HSP90AB1: variants seen among roughly 807,000 people sequenced by gnomAD.
The protein encoded by HSP90AB1 is heat shock protein 90 alpha family class B member 1.
In HSP90AB1, 17 loss-of-function variants were observed where a neutral mutation model predicts 67.8. The ratio of observed to expected loss-of-function variants is 0.25; its 90% CI spans 0.17 to 0.38. The LOEUF is 0.38. HSP90AB1 is among the 10% of genes least tolerant of loss of function. The pLI, the probability that HSP90AB1 is intolerant of heterozygous loss-of-function variation, is 1.00. For missense variants in HSP90AB1, 690 were observed against 899.9 expected (o/e 0.77, Z 2.98); for synonymous variants, 390 against 312.9 (o/e 1.25, Z -2.60).
Position 44,250,344 on chromosome 6 carries a change from A to G in HSP90AB1, c.702A>G (p.Lys234=), listed in dbSNP as rs1318612196. The G allele has an allele frequency of 1.2e-6, 2 of 1,613,754 alleles. No individual in the cohort carries two copies. The highest frequency in any genetic ancestry group is 1.3e-5 in the African/African-American group (1 of 74,916). The part of the protein sequence containing the change: ...EISDDEAEEE[K]GEKEEEDKDD... The stretch of plus-strand genomic sequence containing the variant: ...GTGATGATGAGGCAGAGGAAGAGAA[A>G]GGTGAGAAAGAAGAGGAAGATAAAG... The change falls in exon 6 of 12, where the codon AAA becomes AAG. Residue 234 remains lysine, a synonymous_variant. Transcript: ENST00000371646.
At position 44,253,827 on chromosome 6, in the gene HSP90AB1, C is replaced by T. The variant is rs1063511; in HGVS notation, c.*229C>T. The stretch of plus-strand genomic sequence containing the variant: ...TGTGTATTGTGGTTTATTTTATTTT[C>T]TTCATTTTGTTCTGAAATTAAAGTA... On this transcript the variant is annotated 3_prime_UTR_variant, in exon 12 of 12. Coordinates refer to ENST00000371646, the MANE Select transcript of HSP90AB1 (RefSeq NM_007355.4). 1.9e-5 allele frequency: 14 copies of T among 753,662 alleles called. No homozygotes were observed. The highest frequency in any genetic ancestry group is 1.7e-4 in the Admixed American group (10 of 58,026). 46.7% of individuals were successfully genotyped at this position (753,662 alleles called of 1,614,324 possible).
intron 10 of HSP90AB1, among the ~76,000 whole-genome samples, chr6:44,252,798 AT>A (rs35658356): frequency 3.0e-3 from 433 of 144,182 alleles, no homozygotes; most frequent in Middle Eastern, 3.8e-3. Flanking sequence ...TGCCTGGCCG[AT>A]TTTTTTTTTT....
At position 44,253,397 on chromosome 6, in the gene HSP90AB1, TG is replaced by T. The variant is rs757671674; in HGVS notation, c.2065+21del. The T allele has an allele frequency of 2.5e-6, 4 of 1,606,930 alleles. No homozygotes were observed. Among genetic ancestry groups the T allele is most frequent in the South Asian group, 2.2e-5 (2 of 90,850 alleles). On this transcript the variant is annotated intron_variant, in intron 11 of 11. Coordinates refer to ENST00000371646, the MANE Select transcript of HSP90AB1 (RefSeq NM_007355.4). ...GGTCTAGGTAAGTAGCTTTGGTACT[TG>T]GTGTGGCAAGGAGTTTGTGCAACTC...
intron 6 of HSP90AB1, among the ~76,000 whole-genome samples, 185 bp downstream of exon 6, chr6:44,250,784 T>TC (rs1278952378): frequency 3.3e-5 from 5 of 152,332 alleles, no homozygotes; most frequent in African/African-American, 1.2e-4. Flanking sequence ...TGACCTCACT[T>TC]TCTCTTCTTA....
Position 44,252,113 on chromosome 6 carries a change from A to G in HSP90AB1, c.1577A>G (p.Lys526Arg). ...GACGAGTACTGTGTGCAGCAGCTCA[A>G]GGAATTTGATGGGAAGAGCCTGGTC... ...PIDEYCVQQL[K>R]EFDGKSLVSV... The change falls in exon 10 of 12, where the codon AAG (lysine) becomes AGG (arginine). Residue 526 changes from lysine to arginine, a missense_variant. This residue lies in a region of HSP90AB1 where 206 missense variants were observed against 221.4 expected (regional missense o/e 0.93). Transcript: ENST00000371646. 3 of 1,614,180 alleles carry G rather than the reference A, an allele frequency of 1.9e-6. No individual in the cohort carries two copies. The highest frequency in any genetic ancestry group is 2.5e-6 in the Non-Finnish European group (3 of 1,180,028).
intron 8 of HSP90AB1, 48 bp from the exon 9 acceptor site, chr6:44,251,689 A>C: frequency 6.3e-7 from 1 of 1,598,534 alleles, no homozygotes; most frequent in Non-Finnish European, 8.5e-7. Flanking sequence ...TTGAAAGTGA[A>C]GTTATTGTAG....
Position 44,251,770 on chromosome 6 carries a change from C to G in HSP90AB1, c.1348C>G (p.Arg450Gly). The G allele has an allele frequency of 6.2e-7, 1 of 1,613,612 alleles. No homozygotes were observed. The highest frequency in any genetic ancestry group is 1.1e-5 in the South Asian group (1 of 91,048). The change falls in exon 9 of 12, where the codon CGC becomes GGC. Residue 450 changes from arginine (R) to glycine (G), a missense_variant. By Grantham distance (125) the Arg-to-Gly change is moderately radical. Around this residue, in one of 7 missense-constraint regions of HSP90AB1, gnomAD observed 206 missense variants for 221.4 expected, o/e 0.93. Transcript: ENST00000371646. ...GIHEDSTNRR[R>G]LSELLRYHTS... ...CCACGAAGACTCCACTAACCGCCGC[C>G]GCCTGTCTGAGCTGCTGCGCTATCA... is the stretch of plus-strand genomic sequence containing the variant.
intron 9 of HSP90AB1, 45 bp downstream of exon 9, chr6:44,251,929 C>T (rs764470921): frequency 6.2e-7 from 1 of 1,613,192 alleles, no homozygotes; most frequent in African/African-American, 1.3e-5. Flanking sequence ...GTGGGGAGCA[C>T]AATTAGGGCT....
At chr6:44,253,428 C>A (rs768058451) in intron 11 of HSP90AB1, 50 bp downstream of exon 11, 1 of 1,603,502 alleles carries the variant, frequency 6.2e-7, no homozygotes, top group Admixed American at 1.7e-5. Context: ...CAACTCGTCT[C>A]CTCTATGGAT....
Position 44,251,610 on chromosome 6 carries a change from TA to T in HSP90AB1, c.1314+7del. 6.2e-7 allele frequency: 1 copy of T among 1,600,238 alleles called. No homozygotes were observed. Among genetic ancestry groups the T allele is most frequent in the Non-Finnish European group, 8.5e-7 (1 of 1,171,468 alleles). ...GAGGCATTCTCTAAAAATCTCAAGG[TA>T]AAAAGGCAAATAATGCTTATTCCCT... On this transcript the variant is annotated splice_donor_region_variant and intron_variant, in intron 8 of 11. Coordinates refer to ENST00000371646, the MANE Select transcript of HSP90AB1 (RefSeq NM_007355.4).
chr6:44,252,978 C>A (rs1037579686), intron 10 of HSP90AB1, 67 bp from the exon 11 acceptor site: 2 of 1,346,144 alleles, frequency 1.5e-6, no homozygotes, highest in African/African-American at 2.9e-5. Flanking sequence ...TGGAATTAGG[C>A]TTGACAATGC....
chr6:44,248,957 A>G (rs1780314530), intron 2 of HSP90AB1, among the ~76,000 whole-genome samples, 181 bp downstream of exon 2: 2 of 152,196 alleles, frequency 1.3e-5, no homozygotes, highest in South Asian at 2.1e-4. Context: ...GTCCAGAATA[A>G]GTGGGCTCAT....
At position 44,249,833 on chromosome 6, in the gene HSP90AB1, T is replaced by C. The variant is rs774316367; in HGVS notation, c.513T>C (p.His171=). 1 of 1,604,194 alleles carries C rather than the reference T, an allele frequency of 6.2e-7. No individual in the cohort carries two copies. Among genetic ancestry groups the C allele is most frequent in the Non-Finnish European group, 8.5e-7 (1 of 1,174,584 alleles). ...GTTCCTTCACTGTGCGTGCTGACCATGGTAAGTTAGCTTTTCTGTTACAAG... is the reference window on the plus strand; with the variant it reads ...GTTCCTTCACTGTGCGTGCTGACCACGGTAAGTTAGCTTTTCTGTTACAAG... ...AGGSFTVRAD[H]GEPIGRGTKV... Residue 171 remains histidine (H), a splice_region_variant and synonymous_variant, in exon 4 of 12, where the codon CAT becomes CAC. Transcript: ENST00000371646.
upstream of HSP90AB1, chr6:44,246,444 G>GGCCTGGAAAC (rs1202971863): frequency 2.6e-5 from 4 of 152,766 alleles, no homozygotes; most frequent in Admixed American, 2.0e-4. Flanking sequence ...CGCCGAGACA[G>GGCCTGGAAAC]GCCTGGAAAC....
In HSP90AB1 at chr6:44,251,626, G is replaced by T; in HGVS notation, c.1314+18G>T. ...ATCTCAAGGTAAAAAGGCAAATAAT[G>T]CTTATTCCCTTTACCACTTTCTTAG... On this transcript the variant is annotated intron_variant, in intron 8 of 11. Transcript: ENST00000371646. 1 of 1,591,330 alleles carries T rather than the reference G, an allele frequency of 6.3e-7. No individual in the cohort carries two copies. The highest frequency in any genetic ancestry group is 1.4e-5 in the African/African-American group (1 of 74,070).
intron 10 of HSP90AB1, 94 bp downstream of exon 10, chr6:44,252,361 C>G: frequency 8.7e-7 from 1 of 1,150,494 alleles, no homozygotes; most frequent in Admixed American, 1.9e-5. Flanking sequence ...TTTGAGGCAG[C>G]CTATTTACTG....
At chr6:44,248,509 A>G (rs1007244287) in intron 1 of HSP90AB1, 121 bp from the exon 2 acceptor site, 12 of 796,956 alleles carry the variant, frequency 1.5e-5, no homozygotes, top group Non-Finnish European at 2.2e-5. Context: ...GGGAAGGGAT[A>G]GTACTCCGGT....
Position 44,253,778 on chromosome 6 carries a change from A to C in HSP90AB1, c.*180A>C. 2 of 775,356 alleles carry C rather than the reference A, an allele frequency of 2.6e-6. No homozygotes were observed. The highest frequency in any genetic ancestry group is 4.8e-6 in the Non-Finnish European group (2 of 416,060). 48.0% of individuals were successfully genotyped at this position (775,356 alleles called of 1,614,324 possible). On this transcript the variant is annotated 3_prime_UTR_variant, in exon 12 of 12. Transcript: ENST00000371646. ...GGGTGTCAAGCCCCATTCCCTCTCTACTCTTGACAGCAGGATTGGATGTTG... is the reference window on the plus strand; with the variant it reads ...GGGTGTCAAGCCCCATTCCCTCTCTCCTCTTGACAGCAGGATTGGATGTTG...
intron 10 of HSP90AB1, 131 bp downstream of exon 10, chr6:44,252,398 C>G: frequency 1.3e-6 from 1 of 795,768 alleles, no homozygotes; most frequent in Non-Finnish European, 2.0e-6. Context: ...CTCTTGTTCT[C>G]TTCTCTAGTC....
Sources: gnomAD v4.1 joint callset for allele counts (sites outside exome capture counted in the v4.1 genomes callset) on GRCh38, gnomAD v4.1.1 for gene constraint, gnomAD v4.1.1 regional missense constraint, MANE v1.5 for transcripts, NCBI Gene and HGNC (gene_info 2026-07-23, HGNC 2026-07-21) for gene names.